Variants in RNF180 observed in about 807,000 individuals in gnomAD.
RNF180 encodes the protein E3 ubiquitin-protein ligase RNF180.
RNF180 carries 38 observed loss-of-function variants against 59.2 expected under a neutral mutation model. That is an observed-to-expected ratio of 0.64 (90% CI 0.50 to 0.84). RNF180 has a LOEUF of 0.84. Among genes scored for constraint, RNF180 ranks in the 40% least tolerant of loss-of-function variants. The pLI, the probability that RNF180 is intolerant of heterozygous loss-of-function variation, is 0.00. For synonymous variants in RNF180, 262 were observed against 240.3 expected (o/e 1.09, Z -0.84); for missense variants, 705 against 700.9 (o/e 1.01, Z -0.07).
intron 1 of RNF180, among the ~76,000 whole-genome samples, chr5:64,199,763 C>T (rs1751641543): frequency 6.6e-6 from 1 of 152,138 alleles, no homozygotes; most frequent in Non-Finnish European, 1.5e-5. Flanking sequence ...GGATAATTAC[C>T]AGACAAGTTA....
In RNF180 at chr5:64,369,859, A is replaced by T; in HGVS notation, c.*45A>T. The T allele has an allele frequency of 9.5e-7, 1 of 1,053,882 alleles. No homozygotes were observed. Among genetic ancestry groups the T allele is most frequent in the East Asian group, 3.0e-5 (1 of 33,896 alleles). The allele number at this position is 1,053,882 out of a possible 1,614,324, so 65.3% of individuals were successfully genotyped here. ...AATTGACCAATCATAAATGATGTAAATAACAATTGCTTAAACATTTTTAAA... is the reference window on the plus strand; with the variant it reads ...AATTGACCAATCATAAATGATGTAATTAACAATTGCTTAAACATTTTTAAA... On this transcript the variant is annotated 3_prime_UTR_variant, in exon 8 of 8. Coordinates refer to ENST00000389100, the MANE Select transcript of RNF180 (RefSeq NM_001113561.2).
upstream of RNF180, among the ~76,000 whole-genome samples, chr5:64,165,363 A>T (rs536435691): frequency 6.8e-3 from 1,040 of 152,292 alleles, 13 homozygotes; most frequent in African/African-American, 0.022. Context: ...ACATCGGTGG[A>T]ACTTTAGGCA....
At chr5:64,303,634 TGA>T (rs1439206136) in intron 5 of RNF180, among the ~76,000 whole-genome samples, 2 of 151,620 alleles carry the variant, frequency 1.3e-5, no homozygotes, top group Non-Finnish European at 3.0e-5. Flanking sequence ...CTTTGAAAGC[TGA>T]GAGAGCACAG....
chr5:64,297,321 TA>T (rs909541048), intron 5 of RNF180, among the ~76,000 whole-genome samples: 31 of 152,212 alleles, frequency 2.0e-4, no homozygotes, highest in Non-Finnish European at 1.8e-4. Flanking sequence ...TTCAGTGCTT[TA>T]TAGAAAGTGC....
At chr5:64,340,797 C>T (rs903796667) in intron 7 of RNF180, among the ~76,000 whole-genome samples, 1 of 152,052 alleles carries the variant, frequency 6.6e-6, no homozygotes, top group Non-Finnish European at 1.5e-5. Context: ...AAGCCTTTTG[C>T]TTCTATATTA....
intron 2 of RNF180, among the ~76,000 whole-genome samples, chr5:64,206,795 G>C (rs1244209826): frequency 6.6e-6 from 1 of 152,196 alleles, no homozygotes; most frequent in East Asian, 1.9e-4. Flanking sequence ...AAGAGATCCT[G>C]TGAGGACACA....
At chr5:64,274,372 C>G (rs745472118) in intron 5 of RNF180, among the ~76,000 whole-genome samples, 1 of 151,464 alleles carries the variant, frequency 6.6e-6, no homozygotes, top group Non-Finnish European at 1.5e-5. Context: ...ATATATTTCT[C>G]GGTTATATAG....
chr5:64,207,693 A>AT (rs1361923124), intron 2 of RNF180, among the ~76,000 whole-genome samples: 1 of 152,018 alleles, frequency 6.6e-6, no homozygotes, highest in Non-Finnish European at 1.5e-5. Context: ...TGAGGCTTTC[A>AT]TTTTTTTCAA....
chr5:64,292,279 A>G (rs1470333517), intron 5 of RNF180, among the ~76,000 whole-genome samples: 1 of 151,864 alleles, frequency 6.6e-6, no homozygotes, highest in Non-Finnish European at 1.5e-5. Flanking sequence ...TCTGCCTTTG[A>G]TTTTTAAGGT....
intron 5 of RNF180, among the ~76,000 whole-genome samples, chr5:64,321,506 A>C (rs1365842813): frequency 4.6e-5 from 7 of 152,214 alleles, no homozygotes; most frequent in African/African-American, 7.2e-5. Context: ...ACCACTGCTC[A>C]AGGAAATAAG....
At chr5:64,302,055 C>T (rs1196209771) in intron 5 of RNF180, among the ~76,000 whole-genome samples, 1 of 151,530 alleles carries the variant, frequency 6.6e-6, no homozygotes. Flanking sequence ...AGTCATAAGT[C>T]CCATCCCAGA....
At chr5:64,206,617 A>T (rs1037984856) in intron 2 of RNF180, among the ~76,000 whole-genome samples, 4 of 152,212 alleles carry the variant, frequency 2.6e-5, no homozygotes, top group Non-Finnish European at 5.9e-5. Context: ...GTCTTAGCAC[A>T]TGCTATGCTA....
chr5:64,195,439 T>A lies in RNF180; in HGVS notation c.1-5369T>A, dbSNP rs73100378. ...ATAAAGAAATACCATGTGAAAGGGG[T>A]GTGTTCTCCCCAGTTCCTCAGCATC... On this transcript the variant is annotated intron_variant, in intron 1 of 7. Coordinates refer to ENST00000389100, the MANE Select transcript of RNF180 (RefSeq NM_001113561.2). Among the ~76,000 whole-genome samples the A allele has an allele frequency of 4.9e-3, 753 of 152,266 alleles. 10 individuals carry two copies. The highest frequency in any genetic ancestry group is 0.017 in the African/African-American group (705 of 41,554).
chr5:64,358,773 C>T (rs1278789220), intron 7 of RNF180, among the ~76,000 whole-genome samples: 1 of 146,686 alleles, frequency 6.8e-6, no homozygotes, highest in Non-Finnish European at 1.5e-5. Context: ...GTATATCTCC[C>T]AATGCTATCC....
intron 7 of RNF180, among the ~76,000 whole-genome samples, chr5:64,354,458 C>T (rs766064486): frequency 4.0e-5 from 6 of 151,618 alleles, no homozygotes; most frequent in Admixed American, 6.6e-5. Flanking sequence ...TCAGTAATCA[C>T]AAACTTCCCA....
intron 3 of RNF180, among the ~76,000 whole-genome samples, chr5:64,212,494 C>T (rs1385758017): frequency 1.3e-5 from 2 of 151,934 alleles, no homozygotes; most frequent in African/African-American, 2.4e-5. Context: ...TTGCCTAGCT[C>T]CCACCCTAGA....
chr5:64,343,442 C>T (rs1288441629), intron 7 of RNF180, among the ~76,000 whole-genome samples: 1 of 151,926 alleles, frequency 6.6e-6, no homozygotes, highest in Admixed American at 6.6e-5. Flanking sequence ...AAAAATATAG[C>T]TGAAGAGCTA....
At chr5:64,243,605 C>G (rs1025687822) in intron 5 of RNF180, among the ~76,000 whole-genome samples, 3 of 152,170 alleles carry the variant, frequency 2.0e-5, no homozygotes, top group Non-Finnish European at 2.9e-5. Context: ...ATAGATACTT[C>G]TATACTCCCA....
At chr5:64,296,657 CAAA>C (rs57855322) in intron 5 of RNF180, among the ~76,000 whole-genome samples, 3 of 142,088 alleles carry the variant, frequency 2.1e-5, no homozygotes, top group Non-Finnish European at 3.1e-5. Context: ...TTCCTAGGGT[CAAA>C]AAAAAAAAAG....
Sources: allele counts gnomAD v4.1 joint callset (sites outside exome capture counted in the v4.1 genomes callset), GRCh38; gene constraint gnomAD v4.1.1; transcripts MANE v1.5; gene names NCBI Gene and HGNC (gene_info 2026-07-23, HGNC 2026-07-21).